FSTL4: variants seen among roughly 807,000 people sequenced by gnomAD.
FSTL4 encodes follistatin like 4.
Under a neutral mutation model 78.2 loss-of-function variants are expected in FSTL4, and 28 were observed. That is an observed-to-expected ratio of 0.36 (90% CI 0.27 to 0.49). FSTL4 has a LOEUF of 0.49. Among genes scored for constraint, FSTL4 ranks in the 20% least tolerant of loss-of-function variants. The pLI, the probability that FSTL4 is intolerant of heterozygous loss-of-function variation, is 0.98. For missense variants in FSTL4, 922 were observed against 1,084.9 expected, an observed-to-expected ratio of 0.85 and a Z score of 2.11; for synonymous variants, 422 against 440.5, an observed-to-expected ratio of 0.96 and a Z score of 0.53.
the FSTL4 span, among the ~76,000 whole-genome samples, chr5:133,702,663 A>G: frequency 1.3e-5 from 2 of 152,216 alleles, no homozygotes; most frequent in Non-Finnish European, 2.9e-5. Flanking sequence ...TTTTATAGAT[A>G]TAAAAGAAGT....
At position 133,205,092 on chromosome 5, in the gene FSTL4, C is replaced by A. The variant is rs1750452804; in HGVS notation, c.1717-3050G>T. 2.0e-5 allele frequency among the ~76,000 whole-genome samples: 3 copies of A among 152,248 alleles called. No homozygotes were observed. The South Asian group carries it at 6.2e-4, about 32-fold the overall frequency. ...TGGTATTATGCTTTCAGTGTTTTGC[C>A]ATTTAGGCAAAGGTAAACTATTGGT... On this transcript the variant is annotated intron_variant, in intron 14 of 15. Coordinates refer to ENST00000265342, the MANE Select transcript of FSTL4 (RefSeq NM_015082.2).
the FSTL4 span, among the ~76,000 whole-genome samples, chr5:133,621,370 A>G: frequency 0.054 from 8,168 of 152,328 alleles, 287 homozygotes; most frequent in Non-Finnish European, 0.072. Context: ...CCTGCACTCC[A>G]GCCTAGGCAA....
chr5:133,791,503 A>G, the FSTL4 span, among the ~76,000 whole-genome samples: 3 of 152,224 alleles, frequency 2.0e-5, no homozygotes, highest in Non-Finnish European at 4.4e-5. Context: ...TCTAGCACAC[A>G]GAGGTCACTC....
At chr5:133,834,834 T>A in the FSTL4 span, among the ~76,000 whole-genome samples, 1 of 151,906 alleles carries the variant, frequency 6.6e-6, no homozygotes, top group Non-Finnish European at 1.5e-5. Flanking sequence ...TTTTGGAAAA[T>A]GAGAAAAAGA....
At chr5:133,555,425 G>A in intron 3 of FSTL4, among the ~76,000 whole-genome samples, 1 of 152,172 alleles carries the variant, frequency 6.6e-6, no homozygotes, top group East Asian at 1.9e-4. Context: ...CCCGGGGCAA[G>A]TCCCTTGCCA....
chr5:133,796,660 C>T, the FSTL4 span, among the ~76,000 whole-genome samples: 4 of 151,974 alleles, frequency 2.6e-5, no homozygotes, highest in Admixed American at 6.6e-5. Context: ...CGCGTCATTC[C>T]GCTGTTCTGC....
the FSTL4 span, among the ~76,000 whole-genome samples, chr5:133,791,596 C>T: frequency 6.6e-6 from 1 of 152,216 alleles, no homozygotes; most frequent in Non-Finnish European, 1.5e-5. Flanking sequence ...ATCTTCCAAG[C>T]CCATCAGGGC....
At chr5:133,831,357 T>G in the FSTL4 span, among the ~76,000 whole-genome samples, 1 of 152,148 alleles carries the variant, frequency 6.6e-6, no homozygotes, top group Non-Finnish European at 1.5e-5. Context: ...GTTACCAAAT[T>G]CCTTTTAATG....
chr5:133,840,036 T>C, the FSTL4 span, among the ~76,000 whole-genome samples: 9 of 152,148 alleles, frequency 5.9e-5, no homozygotes, highest in African/African-American at 2.2e-4. Flanking sequence ...GTTGGTTTGA[T>C]GAGAGAGTAA....
intron 8 of FSTL4, among the ~76,000 whole-genome samples, chr5:133,230,680 C>T (rs959726): frequency 0.66 from 99,957 of 151,956 alleles, 34,898 homozygotes; most frequent in East Asian, 0.88. Context: ...GGTGCCCCTG[C>T]GTCTCCCCAG....
chr5:133,526,625 T>C (rs766331921), intron 3 of FSTL4, among the ~76,000 whole-genome samples: 24 of 152,118 alleles, frequency 1.6e-4, no homozygotes, highest in Admixed American at 4.6e-4. Context: ...CCAACTGAGC[T>C]GGCCAGTGGT....
chr5:133,699,880 CAAAAAAAAA>C, the FSTL4 span, among the ~76,000 whole-genome samples: 2 of 62,476 alleles, frequency 3.2e-5, no homozygotes, highest in Non-Finnish European at 6.0e-5. Context: ...GACTCCATCT[CAAAAAAAAA>C]AAAAAAAAAA....
intron 14 of FSTL4, among the ~76,000 whole-genome samples, chr5:133,204,852 A>ATCTT (rs1554095516): frequency 1.3e-5 from 2 of 151,228 alleles, no homozygotes; most frequent in African/African-American, 2.4e-5. Flanking sequence ...AAAAAAAAAA[A>ATCTT]TCTTTCAGGC....
In FSTL4 at chr5:133,361,211, C is replaced by T. The variant is rs770212301; in HGVS notation, c.409+39527G>A. On this transcript the variant is annotated intron_variant, in intron 4 of 15. Transcript: ENST00000265342. The surrounding 1 kb of genome is among the most constrained non-coding windows in gnomAD (Gnocchi z 4.3). The stretch of plus-strand genomic sequence containing the variant: ...AACTTTTCAAGGAGGGGTCGCATTC[C>T]GACCCTGCAGTGCTGGCTTCTTTCC... Among the ~76,000 whole-genome samples the T allele has an allele frequency of 9.2e-5, 14 of 152,296 alleles. No individual in the cohort carries two copies. The South Asian group carries it at 2.1e-3, about 23-fold the overall frequency.
chr5:133,572,340 C>G (rs138074382), intron 2 of FSTL4, among the ~76,000 whole-genome samples: 1 of 152,020 alleles, frequency 6.6e-6, no homozygotes, highest in East Asian at 1.9e-4. Context: ...AACTGCATGT[C>G]TTGGGGATTT....
At chr5:133,678,949 A>G in the FSTL4 span, among the ~76,000 whole-genome samples, 12 of 152,180 alleles carry the variant, frequency 7.9e-5, no homozygotes, top group African/African-American at 2.9e-4. Flanking sequence ...ACGTTGTTCC[A>G]CACCACATTG....
the FSTL4 span, among the ~76,000 whole-genome samples, chr5:133,750,275 A>G: frequency 4.6e-5 from 7 of 152,222 alleles, no homozygotes; most frequent in African/African-American, 1.7e-4. Context: ...TGCTTGCTCC[A>G]TGAAGTAATT....
chr5:133,216,321 T>G (rs1161428435), intron 13 of FSTL4, among the ~76,000 whole-genome samples: 1 of 152,128 alleles, frequency 6.6e-6, no homozygotes. Context: ...GACAGAGTGT[T>G]GCTCTGCTGC....
At chr5:133,468,305 G>A (rs1413680271) in intron 3 of FSTL4, among the ~76,000 whole-genome samples, 2 of 152,258 alleles carry the variant, frequency 1.3e-5, no homozygotes, top group Admixed American at 6.5e-5. Context: ...CTGGTTTGCA[G>A]ATGACTCCAT....
Sources: gnomAD v4.1 joint callset for allele counts (sites outside exome capture counted in the v4.1 genomes callset) on GRCh38, gnomAD v4.1.1 for gene constraint, Gnocchi (gnomAD v3.1) non-coding constraint, MANE v1.5 for transcripts, NCBI Gene and HGNC (gene_info 2026-07-23, HGNC 2026-07-21) for gene names.